The following NAV2 variants were observed in gnomAD, a reference collection of about 807,000 sequenced individuals.
NAV2 encodes the protein helicase, APC down-regulated 1.
In NAV2, 54 loss-of-function variants were observed where a neutral mutation model predicts 223.2. The ratio of observed to expected loss-of-function variants is 0.24; its 90% CI spans 0.19 to 0.30. NAV2 has a LOEUF of 0.30. NAV2 is among the 10% of genes least tolerant of loss of function. The probability of loss-of-function intolerance (pLI) is 1.00; values close to 1 mark genes in which losing one functional copy is unlikely to be tolerated. For missense variants in NAV2, 2,806 were observed against 3,147.5 expected, an observed-to-expected ratio of 0.89 and a Z score of 2.60; for synonymous variants, 1,279 against 1,239.3, an observed-to-expected ratio of 1.03 and a Z score of -0.67.
intron 8 of NAV2, among the ~76,000 whole-genome samples, chr11:19,944,499 C>T (rs969980146): frequency 3.3e-5 from 5 of 149,890 alleles, no homozygotes; most frequent in African/African-American, 1.2e-4. Flanking sequence ...TTTCCCCTTT[C>T]CTCTTTCCCC....
At chr11:19,970,557 G>C (rs557915184) in intron 10 of NAV2, among the ~76,000 whole-genome samples, 1 of 152,168 alleles carries the variant, frequency 6.6e-6, no homozygotes, top group Admixed American at 6.5e-5. Flanking sequence ...CACAGTTATA[G>C]GGACTGGGGA....
chr11:19,733,176 T>A (rs2051970510), intron 1 of NAV2, among the ~76,000 whole-genome samples: 1 of 152,218 alleles, frequency 6.6e-6, no homozygotes, highest in Admixed American at 6.5e-5. Flanking sequence ...CAACCCTTGA[T>A]GGTTGAAGGT....
intron 1 of NAV2, among the ~76,000 whole-genome samples, chr11:19,470,806 G>T (rs2041941542): frequency 6.6e-6 from 1 of 152,066 alleles, no homozygotes; most frequent in Non-Finnish European, 1.5e-5. Context: ...TTGGATAAGG[G>T]GCTCCCTTGG....
At chr11:19,535,831 A>C (rs1265093222) in intron 1 of NAV2, among the ~76,000 whole-genome samples, 1 of 152,178 alleles carries the variant, frequency 6.6e-6, no homozygotes, top group Admixed American at 6.5e-5. Flanking sequence ...GCCCCAGGAA[A>C]GCACACAATA....
intron 6 of NAV2, among the ~76,000 whole-genome samples, chr11:19,910,806 C>A (rs552064806): frequency 3.3e-5 from 5 of 152,150 alleles, no homozygotes; most frequent in Admixed American, 1.3e-4. Flanking sequence ...TGCAGTGAGC[C>A]GAGATAGTGC....
chr11:19,599,844 G>A (rs1268654726), intron 1 of NAV2, among the ~76,000 whole-genome samples: 2 of 152,162 alleles, frequency 1.3e-5, no homozygotes, highest in South Asian at 2.1e-4. Flanking sequence ...CCTTCACTAC[G>A]AGGGCTGATG....
chr11:19,809,836 G>A (rs1041830182), intron 1 of NAV2, among the ~76,000 whole-genome samples: 1 of 152,192 alleles, frequency 6.6e-6, no homozygotes, highest in African/African-American at 2.4e-5. Context: ...TAATTAGACT[G>A]AAGTTGTAGG....
chr11:19,928,161 T>TAC (rs767702450), intron 6 of NAV2, among the ~76,000 whole-genome samples: 53 of 152,196 alleles, frequency 3.5e-4, no homozygotes, highest in Non-Finnish European at 3.8e-4. Flanking sequence ...ACTTCAGTCT[T>TAC]ACATAAAATT....
At chr11:19,876,950 A>C (rs1229964874) in intron 4 of NAV2, among the ~76,000 whole-genome samples, 1 of 138,138 alleles carries the variant, frequency 7.2e-6, no homozygotes, top group Non-Finnish European at 1.6e-5. Context: ...TTATATATTT[A>C]TTTATCAATA....
In NAV2 at chr11:20,097,557, T is replaced by C. The variant is rs762102487; in HGVS notation, c.6013-20T>C. On this transcript the variant is annotated intron_variant, in intron 30 of 37. Coordinates refer to ENST00000349880, the MANE Select transcript of NAV2 (RefSeq NM_145117.5). ...TTTAGCCACATCTTTGATGGGGTCT[T>C]TATTTTTTATTTTTTCCAGGAATAC... 8.1e-5 allele frequency: 126 copies of C among 1,555,600 alleles called. 1 individual carries two copies. Among genetic ancestry groups the C allele is most frequent in the Non-Finnish European group, 2.6e-6 (3 of 1,155,496 alleles).
At chr11:19,988,991 A>G (rs750328209) in intron 11 of NAV2, among the ~76,000 whole-genome samples, 3 of 152,186 alleles carry the variant, frequency 2.0e-5, no homozygotes, top group Non-Finnish European at 4.4e-5. Flanking sequence ...GTAGGTCCCC[A>G]ACAAGCCAGT....
At chr11:19,536,371 A>G (rs563218870) in intron 1 of NAV2, among the ~76,000 whole-genome samples, 1 of 152,276 alleles carries the variant, frequency 6.6e-6, no homozygotes, top group South Asian at 2.1e-4. Context: ...ACACCACTGT[A>G]CTTTTTTCTA....
chr11:19,592,623 C>T (rs1055521546), intron 1 of NAV2, among the ~76,000 whole-genome samples: 1 of 152,126 alleles, frequency 6.6e-6, no homozygotes, highest in Non-Finnish European at 1.5e-5. Flanking sequence ...GGTAAGCAAA[C>T]TTAGACAAGT....
intron 12 of NAV2, among the ~76,000 whole-genome samples, chr11:20,041,265 C>G (rs950906921): frequency 1.3e-5 from 2 of 152,204 alleles, no homozygotes; most frequent in Admixed American, 6.5e-5. Flanking sequence ...GTTAGACTCC[C>G]TGAATTCCCT....
At chr11:19,354,653 G>T (rs1050221088) in intron 1 of NAV2, among the ~76,000 whole-genome samples, 3 of 152,242 alleles carry the variant, frequency 2.0e-5, no homozygotes, top group African/African-American at 7.2e-5. Flanking sequence ...ACAAATCAAT[G>T]AAGATGAATT....
chr11:19,632,805 A>G (rs2047384022), intron 1 of NAV2, among the ~76,000 whole-genome samples: 1 of 152,238 alleles, frequency 6.6e-6, no homozygotes, highest in Non-Finnish European at 1.5e-5. Flanking sequence ...TGCTCCATCT[A>G]ACTAGGAGAG....
chr11:20,027,329 C>T (rs2055198585), intron 11 of NAV2: 1 of 985,370 alleles, frequency 1.0e-6, no homozygotes, highest in Non-Finnish European at 1.2e-6. Flanking sequence ...GGAACAATTG[C>T]CTTGAACAAT....
intron 1 of NAV2, among the ~76,000 whole-genome samples, chr11:19,520,198 T>C (rs765129455): frequency 6.6e-6 from 1 of 152,318 alleles, no homozygotes; most frequent in Non-Finnish European, 1.5e-5. Context: ...TGGCTGCCTC[T>C]AATCCTTTTA....
chr11:19,645,737 G>T lies in NAV2; in HGVS notation c.76-186747G>T, dbSNP rs142233481. On this transcript the variant is annotated intron_variant, in intron 1 of 37. Transcript: ENST00000360655. The stretch of plus-strand genomic sequence containing the variant: ...ATTAGGTTGGTGCAAAAGCAATTGC[G>T]TTTTTTGCCATTACTTTTAATGGTA... 1.6e-4 allele frequency among the ~76,000 whole-genome samples: 24 copies of T among 152,030 alleles called. No individual in the cohort carries two copies. The East Asian group carries it at 3.7e-3, about 23-fold the overall frequency.
Sources: allele counts gnomAD v4.1 joint callset (sites outside exome capture counted in the v4.1 genomes callset), GRCh38; gene constraint gnomAD v4.1.1; transcripts MANE v1.5; gene names NCBI Gene and HGNC (gene_info 2026-07-23, HGNC 2026-07-21).